The following NEK5 variants were observed in gnomAD, a reference collection of about 807,000 sequenced individuals.
NEK5 encodes serine/threonine-protein kinase Nek5.
In NEK5, 88 loss-of-function variants were observed where a neutral mutation model predicts 109.2. The observed-to-expected ratio is 0.81, with a 90% CI of 0.68 to 0.96. The LOEUF (loss-of-function observed/expected upper bound fraction) is 0.96, where lower values mean the gene tolerates loss of function less well. Ranked by LOEUF, NEK5 falls within the 40% of genes least tolerant of loss-of-function variation. NEK5 has a pLI of 0.00. For synonymous variants in NEK5, 283 were observed against 299.9 expected, an observed-to-expected ratio of 0.94 and a Z score of 0.58; for missense variants, 834 against 920.7, an observed-to-expected ratio of 0.91 and a Z score of 1.22.
chr13:52,127,352 GAACTT>G lies in NEK5; in HGVS notation c.117+9_117+13del. The G allele has an allele frequency of 1.3e-6, 1 of 781,326 alleles. No individual in the cohort carries two copies. Among genetic ancestry groups the G allele is most frequent in the Admixed American group, 2.8e-5 (1 of 35,370 alleles). 48.4% of individuals were successfully genotyped at this position (781,326 alleles called of 1,614,324 possible). ...TCCCACTGAAAATTAACAGAAATTT[GAACTT>G]AACTTTACCTTTTCAAAATTGATCT... On this transcript the variant is annotated intron_variant, in intron 3 of 23. Transcript: ENST00000684899.
At position 52,073,866 on chromosome 13, in the gene NEK5, C is replaced by T. The variant is rs141507636; in HGVS notation, c.1723-1796G>A. On this transcript the variant is annotated intron_variant, in intron 19 of 23. Coordinates refer to ENST00000684899, the MANE Select transcript of NEK5 (RefSeq NM_001365552.1). ...AGAGAGCCAAATCAAGAACGTAATC[C>T]CATTTACAATAGCCACCAAAAAATA... is the stretch of plus-strand genomic sequence containing the variant. 2.6e-4 allele frequency among the ~76,000 whole-genome samples: 40 copies of T among 152,100 alleles called. 1 individual carries two copies. The East Asian group carries it at 7.3e-3, about 28-fold the overall frequency.
At chr13:52,068,344 C>T (rs1954723715) in intron 20 of NEK5, among the ~76,000 whole-genome samples, 1 of 152,060 alleles carries the variant, frequency 6.6e-6, no homozygotes, top group Non-Finnish European at 1.5e-5. Flanking sequence ...CAATATATAG[C>T]ACCGTTATTT....
At position 52,101,967 on chromosome 13, in the gene NEK5, C is replaced by A. The variant is rs576144795; in HGVS notation, c.858G>T (p.Ala286=). 1.2e-6 allele frequency: 2 copies of A among 1,614,020 alleles called. No individual in the cohort carries two copies. The highest frequency in any genetic ancestry group is 1.3e-5 in the African/African-American group (1 of 74,924). ...FSHMLICRAG[A]PASRHAGKVV... is the part of the protein sequence containing the mutation. ...CCTTCCCAGCATGTCGAGAAGCTGG[C>A]GCTCCTGCTCTGCATATAAGCATGT... Residue 286 remains alanine (A), a synonymous_variant, in exon 11 of 24, where the codon GCG becomes GCT. Coordinates refer to ENST00000684899, the MANE Select transcript of NEK5 (RefSeq NM_001365552.1).
intron 7 of NEK5, among the ~76,000 whole-genome samples, chr13:52,109,096 T>G (rs1008677714): frequency 3.9e-5 from 6 of 152,240 alleles, no homozygotes; most frequent in African/African-American, 1.4e-4. Context: ...TGGTACATAT[T>G]GCCACCAAAT....
chr13:52,048,309 C>T (rs572303041), intron 23 of NEK5, among the ~76,000 whole-genome samples: 1 of 152,230 alleles, frequency 6.6e-6, no homozygotes, highest in Non-Finnish European at 1.5e-5. Context: ...CAGTGGCTCA[C>T]GCCTATAATC....
chr13:52,098,337 C>A (rs535829823), intron 12 of NEK5, among the ~76,000 whole-genome samples: 2 of 151,592 alleles, frequency 1.3e-5, no homozygotes, highest in East Asian at 3.9e-4. Flanking sequence ...ATAACTTAAA[C>A]AATCGGTTTT....
rs949142275 is a variant in NEK5 at position 52,108,388 on chromosome 13, G to A, written c.484C>T (p.Arg162Ter). The A allele has an allele frequency of 8.7e-6, 14 of 1,603,264 alleles. No homozygotes were observed. Among genetic ancestry groups the A allele is most frequent in the African/African-American group, 4.0e-5 (3 of 74,656 alleles). ...TAGTAAGGTGTTCCAATACAAGTTC[G>A]AGCAAGTTCCATGGAACTAGTAAAT... ...RVLNNSMELARTCIGTPYYLS... is the reference protein window; with the variant it reads ...RVLNNSMELA The change falls in exon 8 of 24, where the codon CGA becomes TGA. Residue 162 changes from arginine (R) to a stop codon, truncating the protein, a stop_gained. Transcript: ENST00000684899. LOFTEE classifies it high-confidence loss of function.
intron 4 of NEK5, among the ~76,000 whole-genome samples, chr13:52,114,624 T>C (rs1414346255): frequency 2.0e-5 from 3 of 152,200 alleles, no homozygotes; most frequent in Non-Finnish European, 4.4e-5. Context: ...GAAGTCTAGT[T>C]GGGGAGTCCC....
At chr13:52,076,418 C>T (rs1954870259) in intron 17 of NEK5, among the ~76,000 whole-genome samples, 1 of 152,258 alleles carries the variant, frequency 6.6e-6, no homozygotes, top group South Asian at 2.1e-4. Context: ...GTAATTTTGA[C>T]TACAGGATCT....
At chr13:52,120,268 A>G (rs1955942880) in intron 3 of NEK5, among the ~76,000 whole-genome samples, 1 of 152,152 alleles carries the variant, frequency 6.6e-6, no homozygotes. Context: ...TCCTGCCCCA[A>G]TTTAAATTGT....
chr13:52,103,954 GTAAT>G (rs764062681), intron 9 of NEK5, among the ~76,000 whole-genome samples: 72 of 152,172 alleles, frequency 4.7e-4, no homozygotes, highest in Middle Eastern at 6.8e-3. Context: ...TATTCATACA[GTAAT>G]TAATTAATTA....
chr13:52,049,341 T>C (rs897052831), intron 23 of NEK5, among the ~76,000 whole-genome samples: 3 of 152,070 alleles, frequency 2.0e-5, no homozygotes, highest in Non-Finnish European at 2.9e-5. Context: ...GGAGGATTGC[T>C]TGAGCCCAGG....
intron 15 of NEK5, among the ~76,000 whole-genome samples, chr13:52,086,577 T>C (rs898273018): frequency 6.6e-5 from 10 of 152,232 alleles, no homozygotes; most frequent in African/African-American, 2.2e-4. Context: ...ATTTTATATA[T>C]AACCCAAATG....
chr13:52,112,417 C>T (rs2138072747), intron 4 of NEK5, 52 bp from the exon 5 acceptor site: 1 of 1,200,214 alleles, frequency 8.3e-7, no homozygotes. Context: ...TATTTATCAG[C>T]CATGTTCTGG....
chr13:52,082,042 G>T (rs1343455217), intron 17 of NEK5, among the ~76,000 whole-genome samples: 1 of 152,174 alleles, frequency 6.6e-6, no homozygotes, highest in Non-Finnish European at 1.5e-5. Flanking sequence ...TCGCTCAGGC[G>T]GGGTGGCTCA....
Position 52,086,364 on chromosome 13 carries a change from C to T in NEK5, c.1393-1G>A. On this transcript the variant is annotated splice_acceptor_variant, in intron 15 of 23. Coordinates refer to ENST00000684899, the MANE Select transcript of NEK5 (RefSeq NM_001365552.1). LOFTEE classifies it high-confidence loss of function. ...TTTCCTCTAACTGCTTCCAATATTC[C>T]TGGAAAGCAAACCCAATCCAGAAAC... is the stretch of plus-strand genomic sequence containing the variant. The T allele has an allele frequency of 6.2e-7, 1 of 1,601,488 alleles. No homozygotes were observed. The highest frequency in any genetic ancestry group is 8.6e-7 in the Non-Finnish European group (1 of 1,168,972).
intron 22 of NEK5, among the ~76,000 whole-genome samples, chr13:52,050,713 T>C (rs1378276090): frequency 6.7e-6 from 1 of 149,624 alleles, no homozygotes; most frequent in Non-Finnish European, 1.5e-5. Context: ...ATTTCATTTG[T>C]TTTTTTCTTT....
In NEK5 at chr13:52,084,762, AGTGTGTGTGTGT is replaced by A. The variant is rs368429926; in HGVS notation, c.1480-1422_1480-1411del. 1.4e-3 allele frequency among the ~76,000 whole-genome samples: 66 copies of A among 47,430 alleles called. 1 individual carries two copies. Among genetic ancestry groups the A allele is most frequent in the South Asian group, 4.7e-3 (6 of 1,278 alleles). The allele number at this position is 47,430 out of a possible 152,430, so 31.1% of individuals were successfully genotyped here. ...GAGAGAGAGAGAGAGAGAGAGAGAGAGTGTGTGTGTGTGTGTGTGTGTGTGTGTGTGTGTGTG... is the reference window on the plus strand; with the variant it reads ...GAGAGAGAGAGAGAGAGAGAGAGAGAGTGTGTGTGTGTGTGTGTGTGTGTG... On this transcript the variant is annotated intron_variant, in intron 16 of 23. Transcript: ENST00000684899.
At chr13:52,101,272 C>T (rs905537703) in intron 11 of NEK5, among the ~76,000 whole-genome samples, 7 of 152,080 alleles carry the variant, frequency 4.6e-5, no homozygotes, top group Middle Eastern at 3.4e-3. Flanking sequence ...TGGTGATGGG[C>T]GGCTGTAGTC....
Sources: gnomAD v4.1 joint callset for allele counts (sites outside exome capture counted in the v4.1 genomes callset) on GRCh38, gnomAD v4.1.1 for gene constraint, MANE v1.5 for transcripts, NCBI Gene and HGNC (gene_info 2026-07-23, HGNC 2026-07-21) for gene names.